The following INF2 variants were observed in gnomAD, a reference collection of about 807,000 sequenced individuals.
INF2 encodes the protein inverted formin 2.
A neutral mutation model predicts 123.5 loss-of-function variants in INF2; 43 were observed. That is an observed-to-expected ratio of 0.35 (90% CI 0.27 to 0.45). The LOEUF (loss-of-function observed/expected upper bound fraction) is 0.45. Ranked by LOEUF, INF2 falls within the 20% of genes least tolerant of loss-of-function variation. The probability of loss-of-function intolerance (pLI) is 1.00; values close to 1 mark genes in which losing one functional copy is unlikely to be tolerated. For missense variants in INF2, 1,453 were observed against 1,682.7 expected, an observed-to-expected ratio of 0.86 and a Z score of 2.39; for synonymous variants, 851 against 745.0, an observed-to-expected ratio of 1.14 and a Z score of -2.32.
At position 104,703,462 on chromosome 14, in the gene INF2, C is replaced by T. The variant is rs769375931; in HGVS notation, c.667+8C>T. On this transcript the variant is annotated splice_region_variant and intron_variant, in intron 4 of 22. Transcript: ENST00000392634. ...TGCGGAACGAGTTTATCGGTAAGCA[C>T]CTGCCCTGGGCCGCATGCCCGCTCC... The T allele has an allele frequency of 2.4e-5, 38 of 1,610,944 alleles. No homozygotes were observed. The highest frequency in any genetic ancestry group is 2.3e-4 in the South Asian group (21 of 91,052).
chr14:104,707,056 G>C lies in INF2; in HGVS notation c.985+5G>C. On this transcript the variant is annotated splice_donor_5th_base_variant and intron_variant, in intron 7 of 22. Coordinates refer to ENST00000392634, the MANE Select transcript of INF2 (RefSeq NM_022489.4). Reference sequence around the variant, plus strand: ...CCGTGCTCCTGGCCAGCGATGGTGAGGGGGCGGGGCAGGGGCGTAGGCACA... The same window carrying C: ...CCGTGCTCCTGGCCAGCGATGGTGACGGGGCGGGGCAGGGGCGTAGGCACA... 6.3e-7 allele frequency: 1 copy of C among 1,574,926 alleles called. No homozygotes were observed. The highest frequency in any genetic ancestry group is 8.6e-7 in the Non-Finnish European group (1 of 1,168,664).
In INF2 at chr14:104,706,916, T is replaced by C. The variant is rs374935145; in HGVS notation, c.850T>C (p.Cys284Arg). 28 of 1,604,132 alleles carry C rather than the reference T, an allele frequency of 1.7e-5. No individual in the cohort carries two copies. Among genetic ancestry groups the C allele is most frequent in the Non-Finnish European group, 2.3e-5 (27 of 1,179,254 alleles). ...VFASLFHKVSCSPVSAQLLSV... is the reference protein window; with the variant it reads ...VFASLFHKVSRSPVSAQLLSV... The stretch of plus-strand genomic sequence containing the variant: ...CCCACACTCGCCCGTCCAGGTGAGC[T>C]GCTCCCCGGTGTCTGCCCAGCTCCT... The change falls in exon 7 of 23, where the codon TGC becomes CGC. Residue 284 changes from cysteine to arginine, a missense_variant. By Grantham distance (180) the Cys-to-Arg change is radical. Around this residue, in one of 8 missense-constraint regions of INF2, gnomAD observed 251 missense variants for 349.4 expected, o/e 0.72. Transcript: ENST00000392634.
chr14:104,689,237 C>G, upstream of INF2: 2 of 985,372 alleles, frequency 2.0e-6, no homozygotes, highest in Non-Finnish European at 2.4e-6. Flanking sequence ...CGGGCCGGGG[C>G]AGAGAGAGGT....
rs562157771 is a variant in INF2, at chr14:104,718,288, T to C, written c.*2-507T>C. ...CCTGGACCAGAAAGCGAAGAGGGCG[T>C]TGGGGGCAGGAGGCCTGTGGGGCCA... On this transcript the variant is annotated intron_variant, in intron 22 of 22. Transcript: ENST00000392634. Among the ~76,000 whole-genome samples the C allele has an allele frequency of 2.0e-5, 3 of 151,798 alleles. No individual in the cohort carries two copies. The South Asian group carries it at 6.3e-4, about 32-fold the overall frequency.
intron 5 of INF2, chr14:104,704,150 A>G: frequency 6.9e-7 from 1 of 1,446,002 alleles, no homozygotes; most frequent in Non-Finnish European, 9.1e-7. Flanking sequence ...GCAGCTGCCC[A>G]CAGAAACTAG....
chr14:104,715,539 T>A (rs1019309644), intron 22 of INF2, among the ~76,000 whole-genome samples, 199 bp downstream of exon 22: 1 of 152,148 alleles, frequency 6.6e-6, no homozygotes, highest in African/African-American at 2.4e-5. Context: ...GGTTACCTGC[T>A]CAACTGGTGC....
At position 104,699,599 on chromosome 14, in the gene INF2, G is replaced by A. The variant is rs1889373627; in HGVS notation, c.-9-1758G>A. On this transcript the variant is annotated intron_variant, in intron 1 of 22. Transcript: ENST00000392634. The surrounding 1 kb of genome is among the most constrained non-coding windows in gnomAD (Gnocchi z 4.7). ...TGGCCGGAAGGTCTTGCGCATCTGGGTGAGTGGACGGCCACTGGGTGACCA... is the reference window on the plus strand; with the variant it reads ...TGGCCGGAAGGTCTTGCGCATCTGGATGAGTGGACGGCCACTGGGTGACCA... 2.0e-6 allele frequency: 2 copies of A among 984,154 alleles called. No homozygotes were observed. Among genetic ancestry groups the A allele is most frequent in the Admixed American group, 6.2e-5 (1 of 16,194 alleles). 61.0% of individuals were successfully genotyped at this position (984,154 alleles called of 1,614,324 possible).
intron 1 of INF2, chr14:104,681,650 G>C: frequency 2.4e-6 from 3 of 1,236,598 alleles, no homozygotes; most frequent in East Asian, 5.6e-5. Context: ...CGGGGGCGGA[G>C]AGGTGGCTGC....
rs565212768 is a variant in INF2, at chr14:104,691,954, A to G, written c.-10+2215A>G. On this transcript the variant is annotated intron_variant, in intron 1 of 22. Transcript: ENST00000392634. ...CTGGCAACCACCAGGCCAGGAGAGC[A>G]GGGCAGACCGGTGGTGCCTGTCCTC... Among the ~76,000 whole-genome samples the G allele has an allele frequency of 6.4e-4, 98 of 152,238 alleles. No homozygotes were observed. The Middle Eastern group carries it at 0.014, about 21-fold the overall frequency.
Position 104,694,740 on chromosome 14 carries a change from C to T in INF2, c.-10+5001C>T, listed in dbSNP as rs1047025770. ...GGGTGCGCAGGCTCAGCCTCTCCCC[C>T]ACTCTCAATCTGTCTTTGTTCTCCC... On this transcript the variant is annotated intron_variant, in intron 1 of 22. Coordinates refer to ENST00000392634, the MANE Select transcript of INF2 (RefSeq NM_022489.4). 2.6e-5 allele frequency among the ~76,000 whole-genome samples: 4 copies of T among 152,324 alleles called. No individual in the cohort carries two copies. In the South Asian group the frequency reaches 8.3e-4, roughly 32 times the overall value.
chr14:104,694,499 C>CG (rs968116737), intron 1 of INF2, among the ~76,000 whole-genome samples: 46 of 152,322 alleles, frequency 3.0e-4, no homozygotes, highest in South Asian at 2.5e-3. Context: ...AGTGGGAAGG[C>CG]GGGCGGTCAG....
Position 104,706,101 on chromosome 14 carries a change from G to C in INF2, c.768G>C (p.Glu256Asp). Reference sequence around the variant, plus strand: ...TCGAGGAGGCTAAGGCCGAGGACGAGGAGGAGCTGCTGCGAGTCTCTGGCG... The same window carrying C: ...TCGAGGAGGCTAAGGCCGAGGACGACGAGGAGCTGCTGCGAGTCTCTGGCG... ...EAFEEAKAED[E>D]EELLRVSGGV... The change falls in exon 6 of 23, where the codon GAG (glutamate) becomes GAC (aspartate). Residue 256 changes from glutamate to aspartate, a missense_variant. Around this residue, in one of 8 missense-constraint regions of INF2, gnomAD observed 251 missense variants for 349.4 expected, o/e 0.72. Transcript: ENST00000392634. The C allele has an allele frequency of 2.5e-6, 4 of 1,612,520 alleles. No individual in the cohort carries two copies. The highest frequency in any genetic ancestry group is 3.4e-6 in the Non-Finnish European group (4 of 1,179,694).
intron 22 of INF2, chr14:104,715,811 G>A (rs1282830462): frequency 2.2e-6 from 1 of 463,646 alleles, no homozygotes; most frequent in Admixed American, 2.3e-5. Flanking sequence ...ATGGCGTGGG[G>A]CCTTCTGGGG....
At chr14:104,689,452 C>T (rs1438296921), upstream of INF2, among the ~76,000 whole-genome samples, 15 of 152,030 alleles carry the variant, frequency 9.9e-5, no homozygotes, top group Admixed American at 9.8e-4. Context: ...AGTGGGGAGA[C>T]CCCTTAAAGC....
In INF2 at chr14:104,689,637, G is replaced by T. The variant is rs559068009; in HGVS notation, c.-112G>T. 3 of 950,956 alleles carry T rather than the reference G, an allele frequency of 3.2e-6. No individual in the cohort carries two copies. The highest frequency in any genetic ancestry group is 3.8e-6 in the Non-Finnish European group (3 of 799,220). The allele number at this position is 950,956 out of a possible 1,614,324, so 58.9% of individuals were successfully genotyped here. ...GCGCCCGCCAGGAGCCACCGTCCGA[G>T]CCTTGCGGAGCGCGGCAGTGGGCGC... is the stretch of plus-strand genomic sequence containing the variant. On this transcript the variant is annotated 5_prime_UTR_variant, in exon 1 of 23. Transcript: ENST00000392634.
intron 1 of INF2, among the ~76,000 whole-genome samples, chr14:104,683,088 C>CT (rs1279080170): frequency 7.4e-6 from 1 of 134,444 alleles, no homozygotes; most frequent in Non-Finnish European, 1.6e-5. Flanking sequence ...CCACTGCTAC[C>CT]TTAATAAACT....
At chr14:104,711,312 C>T (rs1207497772) in intron 15 of INF2, 126 bp downstream of exon 15, 5 of 833,718 alleles carry the variant, frequency 6.0e-6, no homozygotes, top group African/African-American at 1.7e-5. Context: ...CTCAGGGCTC[C>T]GTCTAGAGCC....
chr14:104,688,898 A>C (rs1482864235), upstream of INF2, among the ~76,000 whole-genome samples: 1 of 152,222 alleles, frequency 6.6e-6, no homozygotes, highest in Non-Finnish European at 1.5e-5. Flanking sequence ...ATGCTGGTCA[A>C]TGTCGGCGGT....
At chr14:104,703,055 TG>T in intron 2 of INF2, 49 bp from the exon 3 acceptor site, 1 of 1,451,264 alleles carries the variant, frequency 6.9e-7, no homozygotes. Flanking sequence ...TGCACAGGCA[TG>T]GGAAGGGGTG....
Sources: gnomAD v4.1 joint callset for allele counts (sites outside exome capture counted in the v4.1 genomes callset) on GRCh38, gnomAD v4.1.1 for gene constraint, gnomAD v4.1.1 regional missense constraint, Gnocchi (gnomAD v3.1) non-coding constraint, MANE v1.5 for transcripts, NCBI Gene and HGNC (gene_info 2026-07-23, HGNC 2026-07-21) for gene names.